RIMS1: variants seen among roughly 807,000 people sequenced by gnomAD.
The protein encoded by RIMS1 is regulating synaptic membrane exocytosis protein 1.
Under a neutral mutation model 214.1 loss-of-function variants are expected in RIMS1, and 83 were observed. The ratio of observed to expected loss-of-function variants is 0.39; its 90% CI spans 0.32 to 0.47. The LOEUF is 0.47. Ranked by LOEUF, RIMS1 falls within the 20% of genes least tolerant of loss-of-function variation. The pLI, the probability that RIMS1 is intolerant of heterozygous loss-of-function variation, is 0.99. For synonymous variants in RIMS1, 793 were observed against 786.8 expected, an observed-to-expected ratio of 1.01 and a Z score of -0.13; for missense variants, 2,050 against 2,161.8, an observed-to-expected ratio of 0.95 and a Z score of 1.03.
At chr6:72,323,420 C>G (rs2096275874) in intron 28 of RIMS1, among the ~76,000 whole-genome samples, 1 of 151,396 alleles carries the variant, frequency 6.6e-6, no homozygotes, top group African/African-American at 2.4e-5. Context: ...GACCTGGAAT[C>G]CATTTTAAAA....
rs752533592 is a variant in RIMS1 at position 71,984,666 on chromosome 6, G to T, written c.245+15603G>T. Among the ~76,000 whole-genome samples the T allele has an allele frequency of 4.1e-4, 62 of 151,968 alleles. 1 individual carries two copies. The highest frequency in any genetic ancestry group is 6.6e-4 in the Non-Finnish European group (45 of 67,988). On this transcript the variant is annotated intron_variant, in intron 2 of 33. Coordinates refer to ENST00000521978, the MANE Select transcript of RIMS1 (RefSeq NM_014989.7). ...TTCCAGGTGCTCTTTTTATTTCATT[G>T]CATAGAAACAAGCAGAACATTGTAA... is the stretch of plus-strand genomic sequence containing the variant.
chr6:71,895,039 AC>A (rs919365559), intron 1 of RIMS1, among the ~76,000 whole-genome samples: 4 of 152,138 alleles, frequency 2.6e-5, no homozygotes, highest in Non-Finnish European at 5.9e-5. Flanking sequence ...TAAATTGAAA[AC>A]CAATTAAGAT....
rs752133011 is a variant in RIMS1, at chr6:72,259,005, C to T, written c.2947C>T (p.Pro983Ser). Residue 983 changes from proline (P) to serine (S), a missense_variant, in exon 18 of 34, where the codon CCA becomes TCA. Coordinates refer to ENST00000521978, the MANE Select transcript of RIMS1 (RefSeq NM_014989.7). ...PLQRSLDEIH[P>S]TRRSRSPTRH... Reference sequence around the variant, plus strand: ...TTTTAGGAGTTTAGATGAAATTCATCCAACAAGAAGGTCACGTTCTCCAAC... The same window carrying T: ...TTTTAGGAGTTTAGATGAAATTCATTCAACAAGAAGGTCACGTTCTCCAAC... The T allele has an allele frequency of 2.5e-6, 4 of 1,612,734 alleles. No homozygotes were observed. In the South Asian group the frequency reaches 4.4e-5, roughly 18 times the overall value.
At chr6:72,156,021 G>A in intron 4 of RIMS1, 1 of 320,660 alleles carries the variant, frequency 3.1e-6, no homozygotes, top group Non-Finnish European at 6.3e-6. Flanking sequence ...CTGTTGGTAG[G>A]AATGTAAATT....
At chr6:72,220,372 C>A (rs752423982) in intron 6 of RIMS1, among the ~76,000 whole-genome samples, 8 of 152,028 alleles carry the variant, frequency 5.3e-5, no homozygotes, top group Non-Finnish European at 1.0e-4. Context: ...ATTTTACTTG[C>A]AATTTAAAAG....
intron 1 of RIMS1, among the ~76,000 whole-genome samples, chr6:71,940,199 C>T (rs1273419555): frequency 6.6e-6 from 1 of 152,162 alleles, no homozygotes; most frequent in Non-Finnish European, 1.5e-5. Context: ...TTCTTCCAAT[C>T]ACATCCATAT....
At chr6:72,233,663 G>T in intron 6 of RIMS1, 110 bp from the exon 7 acceptor site, 1 of 813,646 alleles carries the variant, frequency 1.2e-6, no homozygotes, top group South Asian at 1.5e-5. Context: ...CGATGTACAC[G>T]CTCAAGCTTA....
At chr6:71,948,879 C>T (rs1788630932) in intron 1 of RIMS1, among the ~76,000 whole-genome samples, 1 of 152,154 alleles carries the variant, frequency 6.6e-6, no homozygotes, top group African/African-American at 2.4e-5. Context: ...CTTTCCAATT[C>T]ATATCCCCTT....
chr6:72,259,301 G>T (rs896993013), intron 18 of RIMS1, among the ~76,000 whole-genome samples, 190 bp downstream of exon 18: 6 of 152,162 alleles, frequency 3.9e-5, no homozygotes, highest in Admixed American at 3.9e-4. Context: ...ATATTATATT[G>T]TTATAATTAT....
chr6:72,195,328 G>C (rs2050691129), intron 6 of RIMS1, among the ~76,000 whole-genome samples: 1 of 152,100 alleles, frequency 6.6e-6, no homozygotes, highest in South Asian at 2.1e-4. Context: ...ATATAACAAG[G>C]GGCAGTTGGT....
intron 2 of RIMS1, among the ~76,000 whole-genome samples, chr6:72,014,792 G>A (rs9446544): frequency 0.13 from 20,341 of 152,182 alleles, 1,422 homozygotes; most frequent in South Asian, 0.18. Context: ...CTTAGTGGGT[G>A]TGAAGTGATA....
chr6:71,952,666 C>T (rs1790000522), intron 1 of RIMS1, among the ~76,000 whole-genome samples: 4 of 152,104 alleles, frequency 2.6e-5, no homozygotes, highest in Admixed American at 2.6e-4. Context: ...GAGGAAACGT[C>T]TTTTTTGAAA....
At chr6:72,327,938 T>C (rs995994243) in intron 28 of RIMS1, among the ~76,000 whole-genome samples, 3 of 151,818 alleles carry the variant, frequency 2.0e-5, no homozygotes, top group African/African-American at 4.8e-5. Flanking sequence ...TACTCACCTG[T>C]ACAGATCAAT....
rs947397267 is a variant in RIMS1 at position 72,401,573 on chromosome 6, C to T, written c.*859C>T. ...TAAAGAAGTCAATCTGCAACTAATGCTGGGGACTAAAACTAACTGCATAAT... is the reference window on the plus strand; with the variant it reads ...TAAAGAAGTCAATCTGCAACTAATGTTGGGGACTAAAACTAACTGCATAAT... On this transcript the variant is annotated 3_prime_UTR_variant, in exon 34 of 34. Transcript: ENST00000521978. 1 of 152,582 alleles carries T rather than the reference C, an allele frequency of 6.6e-6. No homozygotes were observed. The highest frequency in any genetic ancestry group is 1.9e-4 in the East Asian group (1 of 5,196). The allele number at this position is 152,582 out of a possible 1,614,324, so 9.5% of individuals were successfully genotyped here.
rs555026808 is a variant in RIMS1, at chr6:72,317,145, T to C, written c.4130+3473T>C. The stretch of plus-strand genomic sequence containing the variant: ...GAGCTGGGCTGCTCTGTGGCACCAG[T>C]CCCGACCAGGGTGCCCCCTCCCCAG... On this transcript the variant is annotated intron_variant, in intron 28 of 33. Transcript: ENST00000521978. 1.9e-3 allele frequency: 678 copies of C among 357,262 alleles called. 3 individuals are homozygous for C. The highest frequency in any genetic ancestry group is 2.2e-3 in the Non-Finnish European group (411 of 184,954). The allele number at this position is 357,262 out of a possible 1,614,324, so 22.1% of individuals were successfully genotyped here.
intron 2 of RIMS1, among the ~76,000 whole-genome samples, chr6:72,009,187 A>C (rs1408037087): frequency 6.6e-6 from 1 of 152,224 alleles, no homozygotes; most frequent in South Asian, 2.1e-4. Context: ...AAACAGCTCA[A>C]CTACATGGAA....
chr6:72,368,415 C>T (rs914734652), intron 29 of RIMS1, among the ~76,000 whole-genome samples: 5 of 150,032 alleles, frequency 3.3e-5, no homozygotes, highest in African/African-American at 1.2e-4. Context: ...CATTCTCCTG[C>T]CTCAGCCTCC....
At chr6:71,991,031 C>T (rs574661857) in intron 2 of RIMS1, among the ~76,000 whole-genome samples, 1 of 152,240 alleles carries the variant, frequency 6.6e-6, no homozygotes, top group African/African-American at 2.4e-5. Context: ...AGATTTTGGT[C>T]TCAAACTATA....
chr6:72,165,732 T>C (rs911247881), intron 4 of RIMS1, among the ~76,000 whole-genome samples: 1 of 152,088 alleles, frequency 6.6e-6, no homozygotes, highest in African/African-American at 2.4e-5. Context: ...TGAATATACC[T>C]AGATCTAATG....
Sources: allele counts gnomAD v4.1 joint callset (sites outside exome capture counted in the v4.1 genomes callset), GRCh38; gene constraint gnomAD v4.1.1; transcripts MANE v1.5; gene names NCBI Gene and HGNC (gene_info 2026-07-23, HGNC 2026-07-21).